MEI4: variants seen among roughly 807,000 people sequenced by gnomAD.
MEI4 encodes meiosis-specific protein MEI4.
In MEI4, 27 loss-of-function variants were observed where a neutral mutation model predicts 31.4. The ratio of observed to expected loss-of-function variants is 0.86; its 90% CI spans 0.63 to 1.19. MEI4 has a LOEUF of 1.19. Among genes scored for constraint, MEI4 ranks in the 50% most tolerant of loss-of-function variants. The pLI is 0.00. For synonymous variants in MEI4, 122 were observed against 145.4 expected, an observed-to-expected ratio of 0.84 and a Z score of 1.16; for missense variants, 329 against 398.9, an observed-to-expected ratio of 0.82 and a Z score of 1.49.
chr6:77,804,279 T>G (rs1769367108), intron 3 of MEI4, among the ~76,000 whole-genome samples: 1 of 152,204 alleles, frequency 6.6e-6, no homozygotes, highest in Non-Finnish European at 1.5e-5. Flanking sequence ...TCTCCTGGTG[T>G]GCCATTTGCT....
At chr6:77,666,988 T>A (rs1305857207) in intron 1 of MEI4, among the ~76,000 whole-genome samples, 1 of 152,070 alleles carries the variant, frequency 6.6e-6, no homozygotes, top group African/African-American at 2.4e-5. Context: ...TGCATTCCTA[T>A]CAAGGTTACA....
intron 4 of MEI4, among the ~76,000 whole-genome samples, chr6:77,853,121 C>T (rs527368907): frequency 1.3e-5 from 2 of 152,258 alleles, no homozygotes; most frequent in South Asian, 4.1e-4. Flanking sequence ...TCGCTTCAAC[C>T]CGCGAGGTGG....
rs73457432 is a variant in MEI4, at chr6:77,678,057, G to A, written c.-14-12601G>A. 4.3e-3 allele frequency among the ~76,000 whole-genome samples: 653 copies of A among 152,210 alleles called. 7 individuals carry two copies. The highest frequency in any genetic ancestry group is 0.015 in the African/African-American group (605 of 41,516). The stretch of plus-strand genomic sequence containing the variant: ...AAACAATTGATTTTAATTGATTACC[G>A]TGGAGCTGAACTTAACACGCTGATA... On this transcript the variant is annotated intron_variant, in intron 1 of 4. Coordinates refer to ENST00000684080, the MANE Select transcript of MEI4 (RefSeq NM_001322247.2).
chr6:77,698,286 A>G (rs1251484845), intron 2 of MEI4, among the ~76,000 whole-genome samples: 2 of 152,078 alleles, frequency 1.3e-5, no homozygotes, highest in Non-Finnish European at 2.9e-5. Context: ...TAATATTGTT[A>G]TGTGTGAATT....
chr6:77,748,606 G>A (rs1211801200), intron 2 of MEI4, among the ~76,000 whole-genome samples: 6 of 152,218 alleles, frequency 3.9e-5, no homozygotes, highest in Admixed American at 6.5e-5. Flanking sequence ...TCTGACATCC[G>A]TGGAGACATT....
intron 2 of MEI4, among the ~76,000 whole-genome samples, chr6:77,737,380 G>T (rs1401898188): frequency 2.6e-5 from 4 of 152,110 alleles, no homozygotes; most frequent in Non-Finnish European, 5.9e-5. Flanking sequence ...AGAGGTGCTG[G>T]TATTTTTAAA....
chr6:77,882,477 T>C (rs1771512203), intron 4 of MEI4, among the ~76,000 whole-genome samples: 1 of 152,212 alleles, frequency 6.6e-6, no homozygotes, highest in Non-Finnish European at 1.5e-5. Context: ...CCAGAAAGTT[T>C]AATGTTGGAG....
intron 4 of MEI4, among the ~76,000 whole-genome samples, chr6:77,853,966 A>G (rs1432913687): frequency 6.6e-6 from 1 of 152,224 alleles, no homozygotes; most frequent in Non-Finnish European, 1.5e-5. Flanking sequence ...ACAGTTATGA[A>G]TCTTGGAGAG....
At chr6:77,858,141 A>C (rs1770785468) in intron 4 of MEI4, among the ~76,000 whole-genome samples, 1 of 152,204 alleles carries the variant, frequency 6.6e-6, no homozygotes, top group Non-Finnish European at 1.5e-5. Context: ...AACAGAGAGT[A>C]ATTTGTTTAG....
At chr6:77,777,502 G>A (rs1467327721) in intron 3 of MEI4, among the ~76,000 whole-genome samples, 1 of 152,054 alleles carries the variant, frequency 6.6e-6, no homozygotes, top group Non-Finnish European at 1.5e-5. Flanking sequence ...TTTTTCATTG[G>A]AAATAAAAAG....
At chr6:77,839,996 G>A (rs903963312) in intron 4 of MEI4, among the ~76,000 whole-genome samples, 2 of 152,086 alleles carry the variant, frequency 1.3e-5, no homozygotes, top group South Asian at 2.1e-4. Flanking sequence ...GGACTTTAAC[G>A]CAAGTATTAT....
In MEI4 at chr6:77,689,605, T is replaced by G. The variant is rs112787262; in HGVS notation, c.-14-1053T>G. On this transcript the variant is annotated intron_variant, in intron 1 of 4. Coordinates refer to ENST00000684080, the MANE Select transcript of MEI4 (RefSeq NM_001322247.2). Reference sequence around the variant, plus strand: ...AGGGCTTGGGCAGCTATATAAGAAATTCAGGGCATCACGGCAGTGGAAAAT... The same window carrying G: ...AGGGCTTGGGCAGCTATATAAGAAAGTCAGGGCATCACGGCAGTGGAAAAT... Among the ~76,000 whole-genome samples, 1,225 of 152,068 alleles carry G rather than the reference T, an allele frequency of 8.1e-3. 14 individuals are homozygous for G. The highest frequency in any genetic ancestry group is 0.027 in the African/African-American group (1,109 of 41,514).
chr6:77,794,289 C>A (rs142309387), intron 3 of MEI4, among the ~76,000 whole-genome samples: 1 of 152,134 alleles, frequency 6.6e-6, no homozygotes, highest in Admixed American at 6.5e-5. Flanking sequence ...TCAGGCCAGG[C>A]GCGGTGGCTG....
At chr6:77,756,450 C>T (rs986207766) in intron 2 of MEI4, among the ~76,000 whole-genome samples, 16 of 151,990 alleles carry the variant, frequency 1.1e-4, no homozygotes, top group African/African-American at 3.4e-4. Flanking sequence ...GAGTTTTCAT[C>T]GTTGAGGACA....
At chr6:77,712,102 A>T (rs1479557012) in intron 2 of MEI4, among the ~76,000 whole-genome samples, 4 of 152,132 alleles carry the variant, frequency 2.6e-5, no homozygotes, top group Non-Finnish European at 4.4e-5. Flanking sequence ...TTTGCAAGAA[A>T]CCCTGTATCA....
At chr6:77,849,054 TA>T (rs1227367753) in intron 4 of MEI4, among the ~76,000 whole-genome samples, 4 of 152,166 alleles carry the variant, frequency 2.6e-5, no homozygotes, top group African/African-American at 9.6e-5. Flanking sequence ...TGGGTTTTTT[TA>T]ATGGCATCAT....
intron 1 of MEI4, among the ~76,000 whole-genome samples, chr6:77,688,446 A>C (rs1023999202): frequency 2.6e-5 from 4 of 152,146 alleles, no homozygotes; most frequent in Non-Finnish European, 5.9e-5. Flanking sequence ...GTTACAATCC[A>C]TAAGAATTTT....
intron 2 of MEI4, among the ~76,000 whole-genome samples, chr6:77,691,205 A>G (rs1223364925): frequency 6.6e-6 from 1 of 151,988 alleles, no homozygotes; most frequent in Non-Finnish European, 1.5e-5. Context: ...TTGCTTTTAT[A>G]TTCAGTAGTT....
intron 4 of MEI4, among the ~76,000 whole-genome samples, chr6:77,831,613 G>T (rs1302603236): frequency 6.6e-6 from 1 of 151,526 alleles, no homozygotes; most frequent in Non-Finnish European, 1.5e-5. Context: ...GCAGAGCATG[G>T]ATGGAACTGT....
Sources: gnomAD v4.1 joint callset for allele counts (sites outside exome capture counted in the v4.1 genomes callset) on GRCh38, gnomAD v4.1.1 for gene constraint, MANE v1.5 for transcripts, NCBI Gene and HGNC (gene_info 2026-07-23, HGNC 2026-07-21) for gene names.